GRM8: variants seen among roughly 807,000 people sequenced by gnomAD.
The protein encoded by GRM8 is metabotropic glutamate receptor 8.
In GRM8, 47 loss-of-function variants were observed where a neutral mutation model predicts 87.2. The observed-to-expected ratio is 0.54, with a 90% confidence interval of 0.43 to 0.69. The LOEUF is 0.69. Ranked by LOEUF, GRM8 falls within the 30% of genes least tolerant of loss-of-function variation. The pLI, the probability that GRM8 is intolerant of heterozygous loss-of-function variation, is 0.00. For synonymous variants in GRM8, 396 were observed against 404.5 expected (o/e 0.98, Z 0.25); for missense variants, 1,019 against 1,139.2 (o/e 0.89, Z 1.52).
intron 6 of GRM8, among the ~76,000 whole-genome samples, chr7:126,777,892 T>C (rs1819644823): frequency 6.6e-6 from 1 of 152,182 alleles, no homozygotes; most frequent in African/African-American, 2.4e-5. Context: ...ACATTTGTGA[T>C]AAAGACCAAC....
chr7:127,207,503 G>A (rs1450107666), intron 2 of GRM8, among the ~76,000 whole-genome samples: 1 of 152,146 alleles, frequency 6.6e-6, no homozygotes, highest in Admixed American at 6.5e-5. Flanking sequence ...CACATAAGGA[G>A]TACCAGCCAC....
intron 2 of GRM8, among the ~76,000 whole-genome samples, chr7:127,124,919 G>GA (rs1172007268): frequency 2.0e-5 from 3 of 151,990 alleles, no homozygotes; most frequent in Non-Finnish European, 4.4e-5. Flanking sequence ...AAAAGCATTT[G>GA]AAAAAATTTA....
At chr7:126,850,739 T>G (rs755041511) in intron 6 of GRM8, among the ~76,000 whole-genome samples, 2 of 152,210 alleles carry the variant, frequency 1.3e-5, no homozygotes, top group African/African-American at 2.4e-5. Context: ...ATAGTTGATC[T>G]TCTTTAAAAA....
chr7:127,250,459 G>A (rs182525712), intron 1 of GRM8, among the ~76,000 whole-genome samples: 6 of 152,194 alleles, frequency 3.9e-5, no homozygotes, highest in East Asian at 1.9e-4. Context: ...TCTTTATTCC[G>A]GGTCAATTGT....
intron 7 of GRM8, among the ~76,000 whole-genome samples, chr7:126,747,990 T>A (rs1815908356): frequency 6.6e-6 from 1 of 152,058 alleles, no homozygotes; most frequent in Non-Finnish European, 1.5e-5. Flanking sequence ...ATTATCACAC[T>A]ATTCTACAAC....
chr7:126,977,034 T>C (rs1464135620), intron 3 of GRM8, among the ~76,000 whole-genome samples: 6 of 152,186 alleles, frequency 3.9e-5, no homozygotes, highest in African/African-American at 9.6e-5. Flanking sequence ...AACTGACTTA[T>C]TAGCATACAC....
intron 3 of GRM8, among the ~76,000 whole-genome samples, chr7:126,957,023 G>T (rs1376615956): frequency 6.6e-6 from 1 of 152,072 alleles, no homozygotes; most frequent in Non-Finnish European, 1.5e-5. Flanking sequence ...GAAGCCCAGG[G>T]ACAGGACCAC....
In GRM8 at chr7:126,735,570, T is replaced by C. The variant is rs201500200; in HGVS notation, c.1357+34295A>G. 6.6e-5 allele frequency among the ~76,000 whole-genome samples: 10 copies of C among 152,236 alleles called. No homozygotes were observed. In the East Asian group the frequency reaches 1.7e-3, roughly 26 times the overall value. ...GATTACATGCCTAAGAATTTTTCCA[T>C]GAAAATAATTGAACAAGTAAATTGT... is the stretch of plus-strand genomic sequence containing the variant. On this transcript the variant is annotated intron_variant, in intron 7 of 10. Transcript: ENST00000339582.
chr7:126,522,552 G>A (rs1813146345), intron 9 of GRM8, among the ~76,000 whole-genome samples: 1 of 152,112 alleles, frequency 6.6e-6, no homozygotes, highest in African/African-American at 2.4e-5. Flanking sequence ...CTTTTTCAGT[G>A]GAAAAGGTGT....
intron 9 of GRM8, among the ~76,000 whole-genome samples, chr7:126,482,995 A>T (rs890501605): frequency 1.3e-5 from 2 of 150,860 alleles, no homozygotes; most frequent in African/African-American, 2.4e-5. Context: ...TAAGAAAAAC[A>T]TTTATATCTT....
chr7:126,838,104 C>T (rs1795961418), intron 6 of GRM8, among the ~76,000 whole-genome samples: 1 of 152,186 alleles, frequency 6.6e-6, no homozygotes, highest in Non-Finnish European at 1.5e-5. Context: ...CTTAAACACA[C>T]TAATCTTAAA....
intron 9 of GRM8, among the ~76,000 whole-genome samples, chr7:126,490,175 T>G (rs1807835050): frequency 6.6e-6 from 1 of 152,074 alleles, no homozygotes; most frequent in Non-Finnish European, 1.5e-5. Context: ...ACTGGTTCTG[T>G]TTCTGTGGAG....
chr7:127,166,379 A>C (rs1793454315), intron 2 of GRM8, among the ~76,000 whole-genome samples: 2 of 152,178 alleles, frequency 1.3e-5, no homozygotes, highest in South Asian at 4.1e-4. Flanking sequence ...AATTCACTTA[A>C]GCCACATAAA....
At chr7:126,874,008 TA>T (rs568565141) in intron 6 of GRM8, among the ~76,000 whole-genome samples, 117 of 152,252 alleles carry the variant, frequency 7.7e-4, no homozygotes, top group African/African-American at 2.8e-3. Flanking sequence ...TATATAAATG[TA>T]AAATTTGCCT....
intron 2 of GRM8, among the ~76,000 whole-genome samples, chr7:127,153,508 T>A (rs772154651): frequency 2.0e-5 from 3 of 152,106 alleles, no homozygotes; most frequent in African/African-American, 7.2e-5. Flanking sequence ...CTCTGTGAAG[T>A]AGTAGAAAGT....
At chr7:126,942,356 G>T (rs1807050674) in intron 3 of GRM8, among the ~76,000 whole-genome samples, 1 of 151,894 alleles carries the variant, frequency 6.6e-6, no homozygotes, top group African/African-American at 2.4e-5. Context: ...TATATCACTT[G>T]CCCACTTCAG....
intron 3 of GRM8, among the ~76,000 whole-genome samples, chr7:127,092,134 T>A: frequency 6.6e-6 from 1 of 151,158 alleles, no homozygotes; most frequent in Non-Finnish European, 1.5e-5. Flanking sequence ...TAATCCCTTT[T>A]ACAATTTTAA....
intron 3 of GRM8, among the ~76,000 whole-genome samples, chr7:127,042,466 A>G (rs1228211928): frequency 6.6e-6 from 1 of 152,238 alleles, no homozygotes; most frequent in African/African-American, 2.4e-5. Flanking sequence ...TTTTAAAGAT[A>G]AAACCCTTTG....
intron 6 of GRM8, among the ~76,000 whole-genome samples, chr7:126,803,050 A>T (rs1385474321): frequency 2.0e-5 from 3 of 152,214 alleles, no homozygotes; most frequent in Non-Finnish European, 4.4e-5. Flanking sequence ...GGTCAAAGAG[A>T]TCAGTTTCCA....
Sources: allele counts gnomAD v4.1 joint callset (sites outside exome capture counted in the v4.1 genomes callset), GRCh38; gene constraint gnomAD v4.1.1; transcripts MANE v1.5; gene names NCBI Gene and HGNC (gene_info 2026-07-23, HGNC 2026-07-21).